Variants in SH3TC2 observed in about 807,000 individuals in gnomAD.
SH3TC2 encodes the protein SH3 domain and tetratricopeptide repeat-containing protein 2.
SH3TC2 carries 87 observed loss-of-function variants against 124.5 expected under a neutral mutation model. That is an observed-to-expected ratio of 0.70 (90% confidence interval 0.59 to 0.84). The LOEUF (loss-of-function observed/expected upper bound fraction) is 0.84. Among genes scored for constraint, SH3TC2 ranks in the 40% least tolerant of loss-of-function variants. SH3TC2 has a pLI of 0.00. For missense variants in SH3TC2, 1,536 were observed against 1,566.4 expected, an observed-to-expected ratio of 0.98 and a Z score of 0.33; for synonymous variants, 634 against 628.5, an observed-to-expected ratio of 1.01 and a Z score of -0.13.
Position 148,989,662 on chromosome 5 carries a change from T to C in SH3TC2, c.*15049A>G, listed in dbSNP as rs575869408. Among the ~76,000 whole-genome samples, 1 of 152,236 alleles carries C rather than the reference T, an allele frequency of 6.6e-6. No individual in the cohort carries two copies. The highest frequency in any genetic ancestry group is 1.5e-5 in the Non-Finnish European group (1 of 68,046). Reference sequence around the variant, plus strand: ...TTCTGTATTGTCCGGTTTGCACTGATAATAAAACAGTCTGATAAAATCTTA... The same window carrying C: ...TTCTGTATTGTCCGGTTTGCACTGACAATAAAACAGTCTGATAAAATCTTA... On this transcript the variant is annotated 3_prime_UTR_variant, in exon 17 of 17. Transcript: ENST00000515425.
Position 148,993,729 on chromosome 5 carries a change from G to C in SH3TC2, c.*10982C>G, listed in dbSNP as rs1753458099. 6.6e-6 allele frequency among the ~76,000 whole-genome samples: 1 copy of C among 152,180 alleles called. No individual in the cohort carries two copies. Among genetic ancestry groups the C allele is most frequent in the African/African-American group, 2.4e-5 (1 of 41,434 alleles). On this transcript the variant is annotated 3_prime_UTR_variant, in exon 17 of 17. Transcript: ENST00000515425. ...AGATGATGCTCTGACAAGGGAGGCA[G>C]ACTGAGACCATCACTGTCACATGCT...
chr5:149,056,265 A>T (rs532166290), intron 1 of SH3TC2, among the ~76,000 whole-genome samples: 3 of 151,538 alleles, frequency 2.0e-5, no homozygotes, highest in South Asian at 4.2e-4. Context: ...CCTCCTCCCA[A>T]CCTCCACCCT....
intron 12 of SH3TC2, among the ~76,000 whole-genome samples, chr5:149,018,672 G>A (rs936509426): frequency 3.3e-5 from 5 of 152,110 alleles, no homozygotes; most frequent in African/African-American, 9.7e-5. Context: ...AATAATTCAA[G>A]GTAAGATTTG....
At chr5:149,015,314 C>T (rs1753852687) in intron 12 of SH3TC2, among the ~76,000 whole-genome samples, 1 of 152,192 alleles carries the variant, frequency 6.6e-6, no homozygotes, top group Non-Finnish European at 1.5e-5. Context: ...GTCCAGCTTC[C>T]TTGGTTCCTT....
Position 149,010,292 on chromosome 5 carries a change from T to C in SH3TC2, c.3305A>G (p.His1102Arg), listed in dbSNP as rs187975909. 4.9e-5 allele frequency: 79 copies of C among 1,614,256 alleles called. No individual in the cohort carries two copies. Among genetic ancestry groups the C allele is most frequent in the East Asian group, 2.9e-4 (13 of 44,894 alleles). Residue 1102 changes from histidine to arginine, a missense_variant, in exon 14 of 17, where the codon CAT becomes CGT. His to Arg is a conservative substitution (Grantham distance 29). Coordinates refer to ENST00000515425, the MANE Select transcript of SH3TC2 (RefSeq NM_024577.4). ...DVFFNGTRHRHHAVEYYRAGA... is the reference protein window; with the variant it reads ...DVFFNGTRHRRHAVEYYRAGA... ...TACTCGGTAGTACTCCACTGCATGA[T>C]GCCTGTGGCGGGTCCCATTGAAGAA...
intron 2 of SH3TC2, 38 bp downstream of exon 2, chr5:149,052,104 A>T: frequency 7.2e-7 from 1 of 1,391,488 alleles, no homozygotes; most frequent in Non-Finnish European, 1.0e-6. Flanking sequence ...GCAATACTCA[A>T]CATGGAAGAA....
chr5:149,042,643 G>A (rs932295300), intron 5 of SH3TC2, 51 bp downstream of exon 5: 2 of 1,610,024 alleles, frequency 1.2e-6, no homozygotes, highest in African/African-American at 1.3e-5. Context: ...CATGGCCTCT[G>A]GTAGCAAATA....
intron 1 of SH3TC2, among the ~76,000 whole-genome samples, chr5:149,061,916 C>T (rs1754757350): frequency 6.6e-6 from 1 of 152,094 alleles, no homozygotes; most frequent in Non-Finnish European, 1.5e-5. Flanking sequence ...TGGGGGGACA[C>T]TCCCTGCTGT....
intron 2 of SH3TC2, among the ~76,000 whole-genome samples, chr5:149,051,510 G>T (rs574003918): frequency 1.3e-5 from 2 of 152,114 alleles, no homozygotes; most frequent in Non-Finnish European, 1.5e-5. Flanking sequence ...GGAGTGCAAT[G>T]GTGCAATTAC....
intron 9 of SH3TC2, among the ~76,000 whole-genome samples, chr5:149,029,687 C>A (rs1000952292): frequency 2.0e-5 from 3 of 151,986 alleles, no homozygotes; most frequent in African/African-American, 4.8e-5. Context: ...GTTACAGAGG[C>A]CAAGGTGACT....
chr5:148,987,893 A>T lies in SH3TC2; in HGVS notation c.*16818T>A, dbSNP rs1169660731. On this transcript the variant is annotated 3_prime_UTR_variant, in exon 17 of 17. Coordinates refer to ENST00000515425, the MANE Select transcript of SH3TC2 (RefSeq NM_024577.4). Reference sequence around the variant, plus strand: ...TGAAACTTCTCATCTGAAAATCTCCACTCTGTGGCCCAGAGTAAGCTTACA... The same window carrying T: ...TGAAACTTCTCATCTGAAAATCTCCTCTCTGTGGCCCAGAGTAAGCTTACA... Among the ~76,000 whole-genome samples the T allele has an allele frequency of 6.8e-6, 1 of 147,828 alleles. No individual in the cohort carries two copies. Among genetic ancestry groups the T allele is most frequent in the Non-Finnish European group, 1.5e-5 (1 of 67,196 alleles).
chr5:149,026,577 G>A lies in SH3TC2; in HGVS notation c.3048C>T (p.Thr1016=), dbSNP rs375266719. ...AGTTCCTGACCCTGACTCACCTGGC[G>A]GTATTTAGGTTCCGATAAAGCTGCC... ...SLGQLYRNLN[T]ARSLRRSLTC... is the part of the protein sequence containing the mutation. The change falls in exon 12 of 17, where the codon ACC becomes ACT. Residue 1016 remains threonine (T), a synonymous_variant. Coordinates refer to ENST00000515425, the MANE Select transcript of SH3TC2 (RefSeq NM_024577.4). 21 of 1,613,762 alleles carry A rather than the reference G, an allele frequency of 1.3e-5. No individual in the cohort carries two copies. Among genetic ancestry groups the A allele is most frequent in the East Asian group, 6.7e-5 (3 of 44,892 alleles).
chr5:149,061,183 G>A (rs1341485579), intron 1 of SH3TC2, among the ~76,000 whole-genome samples: 3 of 152,154 alleles, frequency 2.0e-5, no homozygotes, highest in Admixed American at 1.3e-4. Context: ...AAAGAATAAA[G>A]TAATTGAATG....
intron 12 of SH3TC2, among the ~76,000 whole-genome samples, chr5:149,020,411 A>C (rs1205845439): frequency 8.5e-5 from 13 of 152,220 alleles, no homozygotes; most frequent in Admixed American, 8.5e-4. Flanking sequence ...TAATGGAGAA[A>C]TAGAAAAACA....
In SH3TC2 at chr5:148,993,072, A is replaced by G. The variant is rs527443676; in HGVS notation, c.*11639T>C. Among the ~76,000 whole-genome samples the G allele has an allele frequency of 2.6e-5, 4 of 152,046 alleles. No individual in the cohort carries two copies. Among genetic ancestry groups the G allele is most frequent in the African/African-American group, 9.6e-5 (4 of 41,474 alleles). On this transcript the variant is annotated 3_prime_UTR_variant, in exon 17 of 17. Transcript: ENST00000515425. ...GTCTGGGCTGCCTTTACCTGGCCTC[A>G]CTCCTGGCTTCCATAGACGCTTAAG...
chr5:149,047,911 C>A lies in SH3TC2; in HGVS notation c.230G>T (p.Arg77Leu), dbSNP rs756666549. Reference sequence around the variant, plus strand: ...GTCCTCATTCTCCAGTGCCCAGAGCCGCCTCCGAGCAGCTTCCTGTAGGGG... The same window carrying A: ...GTCCTCATTCTCCAGTGCCCAGAGCAGCCTCCGAGCAGCTTCCTGTAGGGG... ...NGPLQEAARR[R>L]LWALENEDQE... Residue 77 changes from arginine (R) to leucine (L), a missense_variant, in exon 3 of 17, where the codon CGG (arginine) becomes CTG (leucine). By Grantham distance (102) the Arg-to-Leu change is moderately radical. Coordinates refer to ENST00000515425, the MANE Select transcript of SH3TC2 (RefSeq NM_024577.4). 2 of 1,614,022 alleles carry A rather than the reference C, an allele frequency of 1.2e-6. No homozygotes were observed. Among genetic ancestry groups the A allele is most frequent in the Non-Finnish European group, 1.7e-6 (2 of 1,180,018 alleles).
intron 3 of SH3TC2, chr5:149,045,162 A>G (rs1294911220): frequency 6.5e-6 from 1 of 152,806 alleles, no homozygotes; most frequent in African/African-American, 2.4e-5. Context: ...CAGTGTTAAC[A>G]TCTTCATGTA....
chr5:148,995,005 G>C lies in SH3TC2; in HGVS notation c.*9706C>G, dbSNP rs1406903800. Among the ~76,000 whole-genome samples, 2 of 152,110 alleles carry C rather than the reference G, an allele frequency of 1.3e-5. No individual in the cohort carries two copies. The highest frequency in any genetic ancestry group is 4.8e-5 in the African/African-American group (2 of 41,412). On this transcript the variant is annotated 3_prime_UTR_variant, in exon 17 of 17. Coordinates refer to ENST00000515425, the MANE Select transcript of SH3TC2 (RefSeq NM_024577.4). ...GGCCTCAAAATACCTTAAAGGTACTGCCTATCCCCTGGATCTTTATTCCAT... is the reference window on the plus strand; with the variant it reads ...GGCCTCAAAATACCTTAAAGGTACTCCCTATCCCCTGGATCTTTATTCCAT...
intron 3 of SH3TC2, chr5:149,045,631 G>GT (rs78829866): frequency 3.3e-5 from 5 of 153,072 alleles, no homozygotes; most frequent in Middle Eastern, 3.1e-3. Context: ...CCTCTTGGGG[G>GT]TTTTTTTGTT....
Sources: gnomAD v4.1 joint callset for allele counts (sites outside exome capture counted in the v4.1 genomes callset) on GRCh38, gnomAD v4.1.1 for gene constraint, MANE v1.5 for transcripts, NCBI Gene and HGNC (gene_info 2026-07-23, HGNC 2026-07-21) for gene names.